The following ASPM variants were observed in gnomAD, a reference collection of about 807,000 sequenced individuals.
ASPM encodes assembly factor for spindle microtubules.
Under a neutral mutation model 366.4 loss-of-function variants are expected in ASPM, and 256 were observed. The observed-to-expected ratio is 0.70, with a 90% CI of 0.63 to 0.77. ASPM has a LOEUF of 0.77. ASPM is among the 30% of genes least tolerant of loss of function. The pLI, the probability that ASPM is intolerant of heterozygous loss-of-function variation, is 0.00. For missense variants in ASPM, 4,146 were observed against 4,090.4 expected, an observed-to-expected ratio of 1.01 and a Z score of -0.37; for synonymous variants, 1,414 against 1,342.9, an observed-to-expected ratio of 1.05 and a Z score of -1.16.
At chr1:197,107,640 T>C (rs1657453589) in intron 17 of ASPM, among the ~76,000 whole-genome samples, 1 of 152,104 alleles carries the variant, frequency 6.6e-6, no homozygotes, top group Non-Finnish European at 1.5e-5. Context: ...ACAACGACTT[T>C]AGAGCAGATA....
Position 197,093,074 on chromosome 1 carries a change from C to T in ASPM, c.9272G>A (p.Arg3091His), listed in dbSNP as rs147005963. 161 of 1,611,018 alleles carry T rather than the reference C, an allele frequency of 1.0e-4. 1 individual carries two copies. The African/African-American group carries it at 1.7e-3, about 17-fold the overall frequency. The change falls in exon 21 of 28, where the codon CGT (arginine) becomes CAT (histidine). Residue 3091 changes from arginine (R) to histidine (H), a missense_variant. This residue lies in a region of ASPM where 3,624 missense variants were observed against 3,591.7 expected (regional missense o/e 1.01). Transcript: ENST00000367409. Reference protein sequence around the residue: ...KSTVILQALVRGWLVRKRFLE... With the variant: ...KSTVILQALVHGWLVRKRFLE... The stretch of plus-strand genomic sequence containing the variant: ...TACTCTTTTTCGTACTAGCCAACCA[C>T]GCACCAGTGCTTGTAGGATAACTGT...
intron 7 of ASPM, among the ~76,000 whole-genome samples, chr1:197,130,393 A>G (rs1168907541): frequency 1.3e-5 from 2 of 152,328 alleles, no homozygotes; most frequent in South Asian, 2.1e-4. Context: ...TGTCCCATTA[A>G]GTACATCGTG....
At chr1:197,099,178 T>C in intron 18 of ASPM, among the ~76,000 whole-genome samples, 1 of 151,668 alleles carries the variant, frequency 6.6e-6, no homozygotes, top group East Asian at 1.9e-4. Flanking sequence ...TACCTGATTC[T>C]AGTCTTGCTC....
rs923491109 is a variant in ASPM at position 197,122,175 on chromosome 1, G to A, written c.3725C>T (p.Thr1242Ile). Reference protein sequence around the residue: ...AMINHSDMSNTIPDEKVVITY... With the variant: ...AMINHSDMSNIIPDEKVVITY... The stretch of plus-strand genomic sequence containing the variant: ...TTTACTTACCTTTTCATCTGGAATT[G>A]TATTTGACATATCTGAATGATTAAT... Residue 1242 changes from threonine to isoleucine, a missense_variant, in exon 15 of 28, where the codon ACA becomes ATA. Physicochemically the swap from Thr to Ile is moderately conservative, Grantham distance 89. Around this residue, in one of 3 missense-constraint regions of ASPM, gnomAD observed 3,624 missense variants for 3,591.7 expected, o/e 1.01. Coordinates refer to ENST00000367409, the MANE Select transcript of ASPM (RefSeq NM_018136.5). The A allele has an allele frequency of 6.2e-6, 10 of 1,610,828 alleles. No homozygotes were observed. Among genetic ancestry groups the A allele is most frequent in the Non-Finnish European group, 8.5e-6 (10 of 1,177,406 alleles).
rs951343801 is a variant in ASPM, at chr1:197,088,411, C to T, written c.10006G>A (p.Val3336Ile). ...VSKYEKTTSA[V>I]YDVENCIDIL... is the part of the protein sequence containing the mutation. The stretch of plus-strand genomic sequence containing the variant: ...TCTATACAATTTTCTACATCATAAA[C>T]TGCTGAAGTAGTTTTCTCATACTTG... Residue 3336 changes from valine (V) to isoleucine (I), a missense_variant, in exon 26 of 28, where the codon GTT (valine) becomes ATT (isoleucine). Coordinates refer to ENST00000367409, the MANE Select transcript of ASPM (RefSeq NM_018136.5). The T allele has an allele frequency of 6.2e-6, 10 of 1,605,346 alleles. No individual in the cohort carries two copies. Among genetic ancestry groups the T allele is most frequent in the Middle Eastern group, 1.7e-4 (1 of 6,004 alleles).
intron 10 of ASPM, 74 bp downstream of exon 10, chr1:197,128,416 A>G (rs1291691089): frequency 1.0e-5 from 15 of 1,452,870 alleles, no homozygotes; most frequent in Non-Finnish European, 1.4e-5. Flanking sequence ...AGATTGAATA[A>G]TTACAAAAAA....
intron 27 of ASPM, 40 bp from the exon 28 acceptor site, chr1:197,084,466 C>A: frequency 7.1e-7 from 1 of 1,411,086 alleles, no homozygotes; most frequent in South Asian, 1.2e-5. Context: ...TAATAAAGTT[C>A]TTCTCTTTAG....
chr1:197,102,964 G>A lies in ASPM; in HGVS notation c.6287C>T (p.Thr2096Ile). The change falls in exon 18 of 28, where the codon ACA becomes ATA. Residue 2096 changes from threonine to isoleucine, a missense_variant. Around this residue, in one of 3 missense-constraint regions of ASPM, gnomAD observed 3,624 missense variants for 3,591.7 expected, o/e 1.01. Coordinates refer to ENST00000367409, the MANE Select transcript of ASPM (RefSeq NM_018136.5). ...QHKEYLNLKK[T>I]AIKIQSVYRG... Reference sequence around the variant, plus strand: ...ATAAACAGATTGGATTTTAATTGCTGTCTTCTTCAAATTAAGATACTCCTT... The same window carrying A: ...ATAAACAGATTGGATTTTAATTGCTATCTTCTTCAAATTAAGATACTCCTT... The A allele has an allele frequency of 2.5e-6, 4 of 1,612,346 alleles. No individual in the cohort carries two copies. Among genetic ancestry groups the A allele is most frequent in the Non-Finnish European group, 2.5e-6 (3 of 1,179,044 alleles).
chr1:197,146,497 C>G lies in ASPM; in HGVS notation c.-60G>C. ...CCGCTCCCACGAGGCGGCTCCGGAGCGGGGATCCGGGACTTACGCTGACCG... is the reference window on the plus strand; with the variant it reads ...CCGCTCCCACGAGGCGGCTCCGGAGGGGGGATCCGGGACTTACGCTGACCG... On this transcript the variant is annotated 5_prime_UTR_variant, in exon 1 of 28. Coordinates refer to ENST00000367409, the MANE Select transcript of ASPM (RefSeq NM_018136.5). 1 of 1,578,756 alleles carries G rather than the reference C, an allele frequency of 6.3e-7. No homozygotes were observed. Among genetic ancestry groups the G allele is most frequent in the Non-Finnish European group, 8.6e-7 (1 of 1,165,506 alleles).
chr1:197,109,071 A>T (rs1657502032), intron 17 of ASPM, among the ~76,000 whole-genome samples: 2 of 151,954 alleles, frequency 1.3e-5, no homozygotes, highest in Admixed American at 1.3e-4. Flanking sequence ...GTATCAAAAC[A>T]TCACTATGTG....
At position 197,117,790 on chromosome 1, in the gene ASPM, T is replaced by C. The variant is rs1657783179; in HGVS notation, c.4064A>G (p.Gln1355Arg). 4.3e-6 allele frequency: 7 copies of C among 1,610,722 alleles called. No individual in the cohort carries two copies. The highest frequency in any genetic ancestry group is 5.9e-6 in the Non-Finnish European group (7 of 1,178,554). ...KVQNKAASLIQGYWRRYSTRQ... is the reference protein window; with the variant it reads ...KVQNKAASLIRGYWRRYSTRQ... ...AAAAATTAGTCCAGGATACTATACCTGAATAAGTGATGCTGCTTTATTTTG... is the reference window on the plus strand; with the variant it reads ...AAAAATTAGTCCAGGATACTATACCCGAATAAGTGATGCTGCTTTATTTTG... The change falls in exon 17 of 28, where the codon CAG (glutamine) becomes CGG (arginine). Residue 1355 changes from glutamine to arginine, a missense_variant and splice_region_variant. By Grantham distance (43) the Gln-to-Arg change is conservative. Transcript: ENST00000367409.
chr1:197,141,518 T>C (rs1013536030), intron 3 of ASPM, among the ~76,000 whole-genome samples: 1 of 152,190 alleles, frequency 6.6e-6, no homozygotes, highest in South Asian at 2.1e-4. Flanking sequence ...GTTCTATGAA[T>C]TGAACATTTA....
chr1:197,135,126 C>A lies in ASPM; in HGVS notation c.2143G>T (p.Asp715Tyr), dbSNP rs777779633. 6.2e-7 allele frequency: 1 copy of A among 1,604,932 alleles called. No homozygotes were observed. Among genetic ancestry groups the A allele is most frequent in the Admixed American group, 1.7e-5 (1 of 59,990 alleles). ...GAAATATTTGTTTTTACAGTGAAGT[C>A]ATCAGGGGTTAATATAAAATTTAAC... is the stretch of plus-strand genomic sequence containing the variant. ...WWLNFILTPD[D>Y]FTVKTNISEV... Residue 715 changes from aspartate to tyrosine, a missense_variant, in exon 5 of 28, where the codon GAC becomes TAC. By Grantham distance (160) the Asp-to-Tyr change is radical. Coordinates refer to ENST00000367409, the MANE Select transcript of ASPM (RefSeq NM_018136.5).
intron 8 of ASPM, 125 bp downstream of exon 8, chr1:197,129,790 T>C (rs1658206876): frequency 1.8e-6 from 2 of 1,106,480 alleles, no homozygotes; most frequent in Non-Finnish European, 1.3e-6. Flanking sequence ...GGGAGAGTAC[T>C]AGAAGCAGAG....
Position 197,117,893 on chromosome 1 carries a change from C to T in ASPM, c.3961G>A (p.Val1321Ile), listed in dbSNP as rs758919365. Residue 1321 changes from valine to isoleucine, a missense_variant, in exon 17 of 28, where the codon GTC (valine) becomes ATC (isoleucine). Transcript: ENST00000367409. The part of the protein sequence containing the change: ...RLRKRVNAAL[V>I]IQKYWRRVLA... ...ACTCTTCGCCAATATTTCTGAATGACGAGTGCTGCATTAACTCTTTTTCTC... is the reference window on the plus strand; with the variant it reads ...ACTCTTCGCCAATATTTCTGAATGATGAGTGCTGCATTAACTCTTTTTCTC... 37 of 1,613,168 alleles carry T rather than the reference C, an allele frequency of 2.3e-5. No homozygotes were observed. The highest frequency in any genetic ancestry group is 3.3e-5 in the Admixed American group (2 of 59,946).
chr1:197,085,961 T>C (rs1656576515), intron 27 of ASPM, among the ~76,000 whole-genome samples: 1 of 152,158 alleles, frequency 6.6e-6, no homozygotes, highest in Admixed American at 6.6e-5. Context: ...TATGTTAGTA[T>C]GAGCTTTTAA....
chr1:197,133,020 G>A (rs913335293), intron 6 of ASPM, among the ~76,000 whole-genome samples: 41 of 152,022 alleles, frequency 2.7e-4, no homozygotes, highest in Non-Finnish European at 7.4e-5. Flanking sequence ...TCTCAGTTAC[G>A]CAGGATGAAT....
intron 20 of ASPM, 129 bp downstream of exon 20, chr1:197,093,955 T>C (rs373898526): frequency 1.0e-4 from 64 of 614,400 alleles, no homozygotes; most frequent in East Asian, 7.9e-4. Flanking sequence ...AATAAATGCA[T>C]ACTTAGGTCT....
chr1:197,090,122 T>G, intron 24 of ASPM, 38 bp from the exon 25 acceptor site: 1 of 1,612,980 alleles, frequency 6.2e-7, no homozygotes, highest in Non-Finnish European at 8.5e-7. Flanking sequence ...CAGGTAAATT[T>G]ACAGCAACAA....
Sources: gnomAD v4.1 joint callset for allele counts (sites outside exome capture counted in the v4.1 genomes callset) on GRCh38, gnomAD v4.1.1 for gene constraint, gnomAD v4.1.1 regional missense constraint, MANE v1.5 for transcripts, NCBI Gene and HGNC (gene_info 2026-07-23, HGNC 2026-07-21) for gene names.